The following SEMA3A variants were observed in gnomAD, a reference collection of about 807,000 sequenced individuals.
The protein encoded by SEMA3A is semaphorin-3A.
SEMA3A carries 29 observed loss-of-function variants against 97.9 expected under a neutral mutation model. That is an observed-to-expected ratio of 0.30 (90% CI 0.22 to 0.40). SEMA3A has a LOEUF of 0.40. Among genes scored for constraint, SEMA3A ranks in the 10% least tolerant of loss-of-function variants. SEMA3A has a pLI of 1.00. For synonymous variants in SEMA3A, 321 were observed against 323.7 expected (o/e 0.99, Z 0.09); for missense variants, 763 against 951.3 (o/e 0.80, Z 2.60).
At chr7:84,012,473 T>A (rs1209167325) in intron 7 of SEMA3A, among the ~76,000 whole-genome samples, 1 of 152,170 alleles carries the variant, frequency 6.6e-6, no homozygotes, top group Non-Finnish European at 1.5e-5. Flanking sequence ...AGATCTAACC[T>A]ACATAGGCTT....
chr7:84,055,408 G>C (rs1198599135), intron 5 of SEMA3A, among the ~76,000 whole-genome samples: 1 of 152,232 alleles, frequency 6.6e-6, no homozygotes, highest in Non-Finnish European at 1.5e-5. Flanking sequence ...GTCTCCTGGT[G>C]CGCCGTTTTT....
At chr7:84,287,044 A>T (rs1462722595) in intron 3 of SEMA3A, among the ~76,000 whole-genome samples, 1 of 152,082 alleles carries the variant, frequency 6.6e-6, no homozygotes, top group Non-Finnish European at 1.5e-5. Flanking sequence ...ACTATGCTTC[A>T]TATCATAGTC....
At chr7:84,391,723 G>C (rs1482173531) in intron 1 of SEMA3A, among the ~76,000 whole-genome samples, 2 of 152,076 alleles carry the variant, frequency 1.3e-5, no homozygotes, top group South Asian at 2.1e-4. Flanking sequence ...TGTGATCTTA[G>C]CACTTTGGGA....
At chr7:84,440,470 T>C (rs560161114) in intron 1 of SEMA3A, among the ~76,000 whole-genome samples, 1 of 152,174 alleles carries the variant, frequency 6.6e-6, no homozygotes, top group South Asian at 2.1e-4. Context: ...GGTACAGACA[T>C]TGTTGTGAGC....
intron 2 of SEMA3A, among the ~76,000 whole-genome samples, chr7:84,312,917 TATATACACACAC>T (rs1801374303): frequency 2.6e-5 from 1 of 38,280 alleles, no homozygotes; most frequent in South Asian, 1.0e-3. Context: ...TATATATATA[TATATACACACAC>T]ACACACACAC....
In SEMA3A at chr7:84,194,684, G is replaced by A. The variant is rs2116278796; in HGVS notation, c.-98C>T. On this transcript the variant is annotated 5_prime_UTR_variant, in exon 1 of 17. Coordinates refer to ENST00000265362, the MANE Select transcript of SEMA3A (RefSeq NM_006080.3). ...AATCTGGAAACTGGAGGTAACAGGT[G>A]ATTTAGGTCAGTTTCATTCATAAAT... is the stretch of plus-strand genomic sequence containing the variant. The A allele has an allele frequency of 1.4e-6, 1 of 728,496 alleles. No individual in the cohort carries two copies. The highest frequency in any genetic ancestry group is 2.4e-6 in the Non-Finnish European group (1 of 411,546). The allele number at this position is 728,496 out of a possible 1,614,324, so 45.1% of individuals were successfully genotyped here. A position where few individuals can be genotyped will look rare whatever the true frequency, so the allele number is the denominator to read the frequency against.
At chr7:84,345,917 C>T (rs1802288059) in intron 2 of SEMA3A, among the ~76,000 whole-genome samples, 1 of 152,154 alleles carries the variant, frequency 6.6e-6, no homozygotes, top group Admixed American at 6.5e-5. Flanking sequence ...AGCCAGGCAT[C>T]GACATTTCTC....
chr7:84,454,543 A>G (rs1336298931), intron 1 of SEMA3A, among the ~76,000 whole-genome samples: 1 of 152,182 alleles, frequency 6.6e-6, no homozygotes, highest in Admixed American at 6.5e-5. Flanking sequence ...TTTAAAATTC[A>G]TGACAACAAT....
At chr7:84,031,048 A>G (rs959983367) in intron 6 of SEMA3A, among the ~76,000 whole-genome samples, 2 of 128,818 alleles carry the variant, frequency 1.6e-5, no homozygotes, top group Non-Finnish European at 3.1e-5. Context: ...GCTGGAGTGC[A>G]GTGGTGCCAT....
intron 1 of SEMA3A, among the ~76,000 whole-genome samples, chr7:84,408,918 T>A (rs1422179040): frequency 6.6e-6 from 1 of 151,822 alleles, no homozygotes; most frequent in Non-Finnish European, 1.5e-5. Context: ...CGGGGAGGGA[T>A]CGCATTAGGA....
At chr7:84,188,092 C>T (rs1224915804) in intron 1 of SEMA3A, among the ~76,000 whole-genome samples, 1 of 152,048 alleles carries the variant, frequency 6.6e-6, no homozygotes, top group Admixed American at 6.6e-5. Flanking sequence ...CGCCACATTT[C>T]TCCAAGCAAG....
At chr7:84,332,907 G>A (rs1310356951) in intron 2 of SEMA3A, among the ~76,000 whole-genome samples, 2 of 151,962 alleles carry the variant, frequency 1.3e-5, no homozygotes, top group Non-Finnish European at 2.9e-5. Flanking sequence ...ACATTTCAGA[G>A]TTATGAATCA....
At chr7:84,195,585 T>A (rs973319707), upstream of SEMA3A, 3 of 152,054 alleles carry the variant, frequency 2.0e-5, no homozygotes, top group Non-Finnish European at 2.9e-5. Flanking sequence ...AGGGAAGAAA[T>A]TCCTACTAAA....
At chr7:84,180,603 A>C (rs983783401) in intron 1 of SEMA3A, among the ~76,000 whole-genome samples, 6 of 152,060 alleles carry the variant, frequency 3.9e-5, no homozygotes, top group African/African-American at 1.4e-4. Context: ...CAGGAGAATC[A>C]CTTGAACCCG....
Position 83,959,874 on chromosome 7 carries a change from G to A in SEMA3A, c.*1497C>T, listed in dbSNP as rs1426886038. The A allele has an allele frequency of 6.6e-6, 1 of 152,050 alleles. No individual in the cohort carries two copies. The highest frequency in any genetic ancestry group is 2.4e-5 in the African/African-American group (1 of 41,432). 9.4% of individuals were successfully genotyped at this position (152,050 alleles called of 1,614,324 possible). On this transcript the variant is annotated 3_prime_UTR_variant, in exon 17 of 17. Coordinates refer to ENST00000265362, the MANE Select transcript of SEMA3A (RefSeq NM_006080.3). ...CAGTGATTCTCAACGAATCGTCTTA[G>A]GACAATGAAGGAAGCAAATCTTGAA... is the stretch of plus-strand genomic sequence containing the variant.
intron 4 of SEMA3A, among the ~76,000 whole-genome samples, chr7:84,083,631 G>A (rs558352790): frequency 6.6e-6 from 1 of 151,794 alleles, no homozygotes; most frequent in African/African-American, 2.4e-5. Context: ...CTAGCCTCTG[G>A]TAACCATCAC....
chr7:84,011,739 A>G (rs1023149665), intron 7 of SEMA3A, among the ~76,000 whole-genome samples: 2 of 152,186 alleles, frequency 1.3e-5, no homozygotes, highest in Non-Finnish European at 2.9e-5. Context: ...ACATTTCAAA[A>G]TCATAGTAAA....
intron 3 of SEMA3A, among the ~76,000 whole-genome samples, chr7:84,249,365 TATC>T (rs1394604940): frequency 3.1e-4 from 35 of 114,730 alleles, no homozygotes; most frequent in African/African-American, 1.1e-3. Flanking sequence ...TCTCTCTGTC[TATC>T]ATCTATCTAT....
At chr7:84,436,495 T>C (rs1385403678) in intron 1 of SEMA3A, among the ~76,000 whole-genome samples, 1 of 152,064 alleles carries the variant, frequency 6.6e-6, no homozygotes, top group Non-Finnish European at 1.5e-5. Context: ...GGAAAAGTAT[T>C]TTCTAAGCTA....
Sources: gnomAD v4.1 joint callset for allele counts (sites outside exome capture counted in the v4.1 genomes callset) on GRCh38, gnomAD v4.1.1 for gene constraint, MANE v1.5 for transcripts, NCBI Gene and HGNC (gene_info 2026-07-23, HGNC 2026-07-21) for gene names.